The following CADM1 variants were observed in gnomAD, a reference collection of about 807,000 sequenced individuals.
CADM1 encodes the protein cell adhesion molecule 1.
CADM1 carries 15 observed loss-of-function variants against 53.1 expected under a neutral mutation model. That is an observed-to-expected ratio of 0.28 (90% CI 0.19 to 0.44). The LOEUF is 0.44. Among genes scored for constraint, CADM1 ranks in the 20% least tolerant of loss-of-function variants. The probability of loss-of-function intolerance (pLI) is 1.00; values close to 1 mark genes in which losing one functional copy is unlikely to be tolerated. For missense variants in CADM1, 434 were observed against 611.3 expected, an observed-to-expected ratio of 0.71 and a Z score of 3.06; for synonymous variants, 281 against 243.0, an observed-to-expected ratio of 1.16 and a Z score of -1.45.
At chr11:115,241,509 AAATT>A (rs1408844250) in intron 1 of CADM1, among the ~76,000 whole-genome samples, 3 of 152,196 alleles carry the variant, frequency 2.0e-5, no homozygotes, top group Admixed American at 6.5e-5. Flanking sequence ...GATCTCTGGA[AAATT>A]AATTAAAGTC....
intron 1 of CADM1, among the ~76,000 whole-genome samples, chr11:115,306,824 T>C (rs1000717428): frequency 6.6e-6 from 1 of 152,030 alleles, no homozygotes; most frequent in African/African-American, 2.4e-5. Flanking sequence ...CATGTCAATG[T>C]CCAAACATAT....
chr11:115,431,915 C>CAT (rs1010583149), intron 1 of CADM1, among the ~76,000 whole-genome samples: 113 of 149,802 alleles, frequency 7.5e-4, no homozygotes, highest in Admixed American at 2.5e-3. Flanking sequence ...AATATTATAC[C>CAT]ATATATATAT....
intron 1 of CADM1, among the ~76,000 whole-genome samples, chr11:115,363,471 ATTTG>A (rs1298084947): frequency 6.6e-6 from 1 of 152,308 alleles, no homozygotes; most frequent in African/African-American, 2.4e-5. Flanking sequence ...ACAGTGATCG[ATTTG>A]TTTGTTTGCC....
intron 1 of CADM1, among the ~76,000 whole-genome samples, chr11:115,293,068 C>T (rs1943949413): frequency 6.6e-6 from 1 of 152,186 alleles, no homozygotes; most frequent in South Asian, 2.1e-4. Context: ...ATTTAAACTA[C>T]TGTGAAGAAA....
intron 1 of CADM1, among the ~76,000 whole-genome samples, chr11:115,355,260 T>C (rs1037774378): frequency 2.2e-4 from 33 of 152,140 alleles, no homozygotes; most frequent in African/African-American, 8.0e-4. Context: ...ATATATACAC[T>C]GTAGAATACT....
intron 1 of CADM1, among the ~76,000 whole-genome samples, chr11:115,272,438 A>G (rs943507310): frequency 2.6e-5 from 4 of 152,156 alleles, no homozygotes; most frequent in Admixed American, 2.0e-4. Context: ...AAAAGAAAAA[A>G]AACATTAGTT....
intron 1 of CADM1, among the ~76,000 whole-genome samples, chr11:115,304,736 T>C (rs1288187522): frequency 6.6e-6 from 1 of 152,012 alleles, no homozygotes; most frequent in East Asian, 1.9e-4. Flanking sequence ...CATACGCTTA[T>C]AAATATTAAT....
chr11:115,410,546 TATGTCTGTTTACAGAGCTTTAAAAA>T (rs1384588176), intron 1 of CADM1, among the ~76,000 whole-genome samples: 1 of 152,112 alleles, frequency 6.6e-6, no homozygotes, highest in Non-Finnish European at 1.5e-5. Flanking sequence ...GAGGGTGCAT[TATGTCTGTTTACAGAGCTTTAAAAA>T]ATGTGAAATG....
chr11:115,275,797 G>C (rs981059235), intron 1 of CADM1, among the ~76,000 whole-genome samples: 3 of 152,112 alleles, frequency 2.0e-5, no homozygotes, highest in Non-Finnish European at 2.9e-5. Flanking sequence ...ATAATGGTGC[G>C]CTTGCTACTT....
At chr11:115,312,587 T>C (rs1236651593) in intron 1 of CADM1, among the ~76,000 whole-genome samples, 1 of 152,122 alleles carries the variant, frequency 6.6e-6, no homozygotes, top group Non-Finnish European at 1.5e-5. Flanking sequence ...ATATTTAAAA[T>C]AAAATTACAT....
intron 1 of CADM1, among the ~76,000 whole-genome samples, chr11:115,323,032 A>C (rs1200140503): frequency 6.6e-6 from 1 of 152,144 alleles, no homozygotes; most frequent in Non-Finnish European, 1.5e-5. Flanking sequence ...AATTGGCTGC[A>C]CCATTTTACA....
At chr11:115,347,949 A>C (rs2135047299) in intron 1 of CADM1, among the ~76,000 whole-genome samples, 2 of 152,336 alleles carry the variant, frequency 1.3e-5, no homozygotes. Flanking sequence ...TGGTGCACGA[A>C]AAATAAGGCG....
intron 1 of CADM1, among the ~76,000 whole-genome samples, chr11:115,479,615 G>A (rs1012958838): frequency 1.3e-5 from 2 of 152,120 alleles, no homozygotes; most frequent in Non-Finnish European, 2.9e-5. Context: ...GAGAAATATA[G>A]TTACCAGGGC....
chr11:115,254,936 C>T (rs1302508960), intron 1 of CADM1, among the ~76,000 whole-genome samples: 5 of 151,986 alleles, frequency 3.3e-5, no homozygotes, highest in Admixed American at 1.3e-4. Context: ...TTGAAAGATA[C>T]CTTCTATGTA....
At chr11:115,425,040 T>C (rs930773787) in intron 1 of CADM1, among the ~76,000 whole-genome samples, 16 of 152,112 alleles carry the variant, frequency 1.1e-4, no homozygotes, top group Admixed American at 4.6e-4. Context: ...AAGAAGACTG[T>C]GGTTAGAATT....
chr11:115,427,673 CAG>C lies in CADM1; in HGVS notation c.124+76596_124+76597del, dbSNP rs199991799. ...ATATATTCATGTATTAATCGACAAA[CAG>C]AAATTAAAGAAAAAGAAAATATATT... is the stretch of plus-strand genomic sequence containing the variant. On this transcript the variant is annotated intron_variant, in intron 1 of 11. Transcript: ENST00000331581. Among the ~76,000 whole-genome samples, 1,343 of 152,024 alleles carry C rather than the reference CAG, an allele frequency of 8.8e-3. 13 individuals carry two copies. The highest frequency in any genetic ancestry group is 0.011 in the Non-Finnish European group (734 of 67,960).
chr11:115,381,898 T>C (rs1946588129), intron 1 of CADM1, among the ~76,000 whole-genome samples: 1 of 152,138 alleles, frequency 6.6e-6, no homozygotes, highest in African/African-American at 2.4e-5. Flanking sequence ...CATGTTTGAG[T>C]GCAGTGGCCC....
chr11:115,233,533 T>C (rs749660696), intron 3 of CADM1, among the ~76,000 whole-genome samples: 17 of 152,152 alleles, frequency 1.1e-4, no homozygotes, highest in African/African-American at 4.1e-4. Context: ...TTAGGACTAA[T>C]AAATACTACT....
At chr11:115,251,836 CCA>C (rs1942615993) in intron 1 of CADM1, among the ~76,000 whole-genome samples, 1 of 152,124 alleles carries the variant, frequency 6.6e-6, no homozygotes, top group South Asian at 2.1e-4. Context: ...CTCTTTTAAG[CCA>C]CAGTTTGATG....
Sources: allele counts gnomAD v4.1 joint callset (sites outside exome capture counted in the v4.1 genomes callset), GRCh38; gene constraint gnomAD v4.1.1; transcripts MANE v1.5; gene names NCBI Gene and HGNC (gene_info 2026-07-23, HGNC 2026-07-21).